TMEM238L: variants seen among roughly 807,000 people sequenced by gnomAD.
TMEM238L encodes transmembrane protein 238-like.
intron 1 of TMEM238L, among the ~76,000 whole-genome samples, chr17:10,802,161 C>A (rs368569885): frequency 2.6e-5 from 4 of 152,164 alleles, no homozygotes; most frequent in African/African-American, 9.7e-5. Flanking sequence ...AATCAGGGAC[C>A]CTTTTTGCTC....
intron 1 of TMEM238L, among the ~76,000 whole-genome samples, chr17:10,799,589 C>A (rs1345999784): frequency 6.6e-6 from 1 of 152,210 alleles, no homozygotes; most frequent in Non-Finnish European, 1.5e-5. Flanking sequence ...CCTTTTACCC[C>A]GCTCTGAGAA....
chr17:10,797,260 T>C (rs1904582689), intron 1 of TMEM238L, among the ~76,000 whole-genome samples: 1 of 152,176 alleles, frequency 6.6e-6, no homozygotes, highest in Non-Finnish European at 1.5e-5. Flanking sequence ...ACTACTTTCC[T>C]CATGGCCTTG....
chr17:10,800,713 A>G (rs1366239069), intron 1 of TMEM238L, among the ~76,000 whole-genome samples: 1 of 152,208 alleles, frequency 6.6e-6, no homozygotes, highest in Non-Finnish European at 1.5e-5. Flanking sequence ...ACATATTTGG[A>G]GTAATGGGGC....
At chr17:10,797,575 T>C in intron 1 of TMEM238L, among the ~76,000 whole-genome samples, 1 of 152,182 alleles carries the variant, frequency 6.6e-6, no homozygotes, top group East Asian at 1.9e-4. Flanking sequence ...TCTGCTCGTA[T>C]ACGATTTGCA....
intron 1 of TMEM238L, among the ~76,000 whole-genome samples, chr17:10,799,994 T>C (rs535356459): frequency 6.6e-5 from 10 of 151,282 alleles, no homozygotes; most frequent in East Asian, 5.9e-4. Context: ...TGCAGTGGCG[T>C]GATCTCGGCT....
chr17:10,799,895 T>C (rs1210480730), intron 1 of TMEM238L, among the ~76,000 whole-genome samples: 1 of 151,704 alleles, frequency 6.6e-6, no homozygotes, highest in Non-Finnish European at 1.5e-5. Context: ...CCAGGGACAT[T>C]GGCAGAACAC....
intron 1 of TMEM238L, among the ~76,000 whole-genome samples, chr17:10,797,562 A>G (rs1030931168): frequency 5.3e-5 from 8 of 152,278 alleles, no homozygotes; most frequent in African/African-American, 1.7e-4. Context: ...CCAATTAGGT[A>G]GTTCTGCTCG....
At chr17:10,795,560 G>A (rs568569916) in exon 2 of TMEM238L, 32 of 152,358 alleles carry the variant, frequency 2.1e-4, no homozygotes, top group African/African-American at 7.5e-4. Context: ...ATATGTGCTC[G>A]CAGGAGATCC....
intron 1 of TMEM238L, among the ~76,000 whole-genome samples, chr17:10,797,369 C>T (rs1477372585): frequency 1.6e-5 from 2 of 129,002 alleles, no homozygotes; most frequent in Non-Finnish European, 3.2e-5. Context: ...CCTTCCCTCT[C>T]ACCCTCCCTC....
intron 1 of TMEM238L, chr17:10,802,590 C>G (rs1042269568): frequency 1.3e-5 from 2 of 152,634 alleles, no homozygotes; most frequent in Admixed American, 6.5e-5. Context: ...TGTAATCCCC[C>G]ACAAAAGACA....
At chr17:10,797,120 GA>G (rs2151521382) in intron 1 of TMEM238L, among the ~76,000 whole-genome samples, 1 of 152,326 alleles carries the variant, frequency 6.6e-6, no homozygotes, top group South Asian at 2.1e-4. Context: ...CACAGGGTCA[GA>G]TATACCTGGT....
At chr17:10,804,053 C>G in exon 1 of TMEM238L, 1 of 402,654 alleles carries the variant, frequency 2.5e-6, no homozygotes. Flanking sequence ...GCCTTCTCTG[C>G]CTGCTGGGTG....
intron 1 of TMEM238L, among the ~76,000 whole-genome samples, chr17:10,800,421 A>C (rs1041614881): frequency 6.6e-6 from 1 of 152,166 alleles, no homozygotes; most frequent in Non-Finnish European, 1.5e-5. Context: ...TACAATAAAG[A>C]ACATATTAAA....
chr17:10,799,691 G>A (rs1904673509), intron 1 of TMEM238L, among the ~76,000 whole-genome samples: 2 of 152,232 alleles, frequency 1.3e-5, no homozygotes, highest in African/African-American at 4.8e-5. Flanking sequence ...GGCTGTAGGG[G>A]AAGTGAGACG....
At chr17:10,799,700 C>T (rs954744016) in intron 1 of TMEM238L, among the ~76,000 whole-genome samples, 3 of 152,190 alleles carry the variant, frequency 2.0e-5, no homozygotes, top group African/African-American at 7.2e-5. Flanking sequence ...GGAAGTGAGA[C>T]GAGCTGCTTT....
intron 1 of TMEM238L, among the ~76,000 whole-genome samples, chr17:10,803,201 T>C (rs1006116996): frequency 3.3e-5 from 5 of 152,104 alleles, no homozygotes; most frequent in African/African-American, 4.8e-5. Flanking sequence ...ACAAGAGTCA[T>C]TGGGGAACTT....
chr17:10,798,753 A>G (rs1269879964), intron 1 of TMEM238L, among the ~76,000 whole-genome samples: 2 of 151,536 alleles, frequency 1.3e-5, no homozygotes, highest in East Asian at 3.9e-4. Flanking sequence ...GAACACGTGG[A>G]GTAGAAGAGG....
chr17:10,795,553 T>C (rs1260646467), exon 2 of TMEM238L: 5 of 152,278 alleles, frequency 3.3e-5, no homozygotes, highest in Non-Finnish European at 7.3e-5. Context: ...CTGCTTGATA[T>C]GTGCTCGCAG....
At chr17:10,803,514 A>C (rs1904810383) in intron 1 of TMEM238L, 92 bp downstream of exon 1, 1 of 371,838 alleles carries the variant, frequency 2.7e-6, no homozygotes, top group Non-Finnish European at 4.8e-6. Flanking sequence ...GTGTCTGGCT[A>C]TTTGCTTATG....
Sources: gnomAD v4.1 joint callset for allele counts (sites outside exome capture counted in the v4.1 genomes callset) on GRCh38, gnomAD v4.1.1 for gene constraint, MANE v1.5 for transcripts, NCBI Gene and HGNC (gene_info 2026-07-23, HGNC 2026-07-21) for gene names.